SLC9A9: variants seen among roughly 807,000 people sequenced by gnomAD.
The protein encoded by SLC9A9 is solute carrier family 9 member A9.
In SLC9A9, 62 loss-of-function variants were observed where a neutral mutation model predicts 77.8. The observed-to-expected ratio is 0.80, with a 90% CI of 0.65 to 0.98. SLC9A9 has a LOEUF of 0.98. SLC9A9 is among the 50% of genes least tolerant of loss of function. The pLI is 0.00. For missense variants in SLC9A9, 775 were observed against 774.9 expected, an observed-to-expected ratio of 1.00 and a Z score of 0.00; for synonymous variants, 320 against 283.5, an observed-to-expected ratio of 1.13 and a Z score of -1.29.
intron 9 of SLC9A9, among the ~76,000 whole-genome samples, chr3:143,499,223 A>C (rs1214735211): frequency 1.3e-5 from 2 of 152,198 alleles, no homozygotes; most frequent in Non-Finnish European, 2.9e-5. Context: ...TTTTAGTTGG[A>C]ATAGTATTAA....
intron 8 of SLC9A9, among the ~76,000 whole-genome samples, chr3:143,563,083 C>A (rs1332343291): frequency 1.3e-5 from 2 of 151,996 alleles, no homozygotes; most frequent in African/African-American, 4.8e-5. Context: ...GAACTAGAAC[C>A]AACACTTTTT....
At chr3:143,506,158 T>C (rs909428006) in intron 9 of SLC9A9, among the ~76,000 whole-genome samples, 2 of 152,332 alleles carry the variant, frequency 1.3e-5, no homozygotes, top group Admixed American at 6.5e-5. Context: ...TAGATCCATT[T>C]TGATGAATTT....
At chr3:143,750,842 T>A (rs1282727820) in intron 4 of SLC9A9, among the ~76,000 whole-genome samples, 1 of 151,732 alleles carries the variant, frequency 6.6e-6, no homozygotes, top group East Asian at 1.9e-4. Flanking sequence ...TTTGAAAAAA[T>A]TTTAAAGAAT....
chr3:143,675,335 T>C (rs2039220140), intron 5 of SLC9A9, among the ~76,000 whole-genome samples: 1 of 152,210 alleles, frequency 6.6e-6, no homozygotes, highest in Non-Finnish European at 1.5e-5. Flanking sequence ...GGCAAAACAT[T>C]AGCTAAACAG....
At chr3:143,568,268 C>T (rs951153555) in intron 8 of SLC9A9, among the ~76,000 whole-genome samples, 1 of 152,008 alleles carries the variant, frequency 6.6e-6, no homozygotes, top group South Asian at 2.1e-4. Context: ...GTCTAGTTGT[C>T]CTACCTTCAG....
In SLC9A9 at chr3:143,458,060, G is replaced by A. The variant is rs536291059; in HGVS notation, c.1469+8977C>T. On this transcript the variant is annotated intron_variant, in intron 12 of 15. Coordinates refer to ENST00000316549, the MANE Select transcript of SLC9A9 (RefSeq NM_173653.4). Reference sequence around the variant, plus strand: ...TGTTTGCAACTGTAAGTGTTAATTTGTCTCTCTTCCCTTTCAGATTTATCA... The same window carrying A: ...TGTTTGCAACTGTAAGTGTTAATTTATCTCTCTTCCCTTTCAGATTTATCA... Among the ~76,000 whole-genome samples, 3 of 152,188 alleles carry A rather than the reference G, an allele frequency of 2.0e-5. No individual in the cohort carries two copies. In the East Asian group the frequency reaches 5.8e-4, roughly 29 times the overall value.
At chr3:143,279,096 A>C (rs1425391815) in intron 14 of SLC9A9, among the ~76,000 whole-genome samples, 2 of 152,198 alleles carry the variant, frequency 1.3e-5, no homozygotes, top group Admixed American at 6.5e-5. Flanking sequence ...GATATATTTC[A>C]ACCATCCCAA....
At chr3:143,730,164 C>A (rs1350282690) in intron 4 of SLC9A9, among the ~76,000 whole-genome samples, 1 of 152,200 alleles carries the variant, frequency 6.6e-6, no homozygotes, top group African/African-American at 2.4e-5. Flanking sequence ...GAGAGGAGGT[C>A]CTGAGGATGT....
At chr3:143,695,997 G>T (rs1933629468) in intron 4 of SLC9A9, among the ~76,000 whole-genome samples, 2 of 123,312 alleles carry the variant, frequency 1.6e-5, no homozygotes, top group African/African-American at 5.8e-5. Context: ...TATTTGATGG[G>T]GTTATTTCTT....
At chr3:143,354,776 CT>C (rs1336708162) in intron 14 of SLC9A9, among the ~76,000 whole-genome samples, 9 of 152,186 alleles carry the variant, frequency 5.9e-5, no homozygotes, top group Admixed American at 5.2e-4. Context: ...TTCTCTTTCT[CT>C]TTTTTTCCTA....
At chr3:143,511,951 C>G (rs1559946805) in intron 9 of SLC9A9, among the ~76,000 whole-genome samples, 1 of 152,150 alleles carries the variant, frequency 6.6e-6, no homozygotes, top group Non-Finnish European at 1.5e-5. Context: ...TGGAATTTCA[C>G]CTTGTGGTAA....
Position 143,727,917 on chromosome 3 carries a change from C to A in SLC9A9, c.534-34610G>T, listed in dbSNP as rs6766650. 8.6e-3 allele frequency among the ~76,000 whole-genome samples: 1,306 copies of A among 152,304 alleles called. 24 individuals carry two copies. The highest frequency in any genetic ancestry group is 0.03 in the African/African-American group (1,250 of 41,578). Reference sequence around the variant, plus strand: ...TTATTGATGTCTATTTTGTGCCAGACGCTATATAGAGTAGCTACCATGGCC... The same window carrying A: ...TTATTGATGTCTATTTTGTGCCAGAAGCTATATAGAGTAGCTACCATGGCC... On this transcript the variant is annotated intron_variant, in intron 4 of 15. Transcript: ENST00000316549.
At position 143,799,677 on chromosome 3, in the gene SLC9A9, C is replaced by A. The variant is rs188633035; in HGVS notation, c.379-2774G>T. On this transcript the variant is annotated intron_variant, in intron 2 of 15. Coordinates refer to ENST00000316549, the MANE Select transcript of SLC9A9 (RefSeq NM_173653.4). ...TCGGACTGTTCAACTCACCTGGCAG[C>A]CACTCCCAGAGCCGCTGGAACTCTG... is the stretch of plus-strand genomic sequence containing the variant. 8.8e-3 allele frequency among the ~76,000 whole-genome samples: 1,335 copies of A among 152,338 alleles called. 17 individuals carry two copies. Among genetic ancestry groups the A allele is most frequent in the African/African-American group, 0.031 (1,275 of 41,572 alleles).
chr3:143,706,368 G>GT (rs1933977362), intron 4 of SLC9A9, among the ~76,000 whole-genome samples: 1 of 152,182 alleles, frequency 6.6e-6, no homozygotes, highest in African/African-American at 2.4e-5. Flanking sequence ...CCTAAGGAAT[G>GT]TAAGAGGCTC....
At chr3:143,494,062 T>C (rs1210718414) in intron 10 of SLC9A9, among the ~76,000 whole-genome samples, 1 of 152,214 alleles carries the variant, frequency 6.6e-6, no homozygotes, top group African/African-American at 2.4e-5. Context: ...TGACTGACTA[T>C]CCTCAATTCT....
intron 12 of SLC9A9, among the ~76,000 whole-genome samples, chr3:143,455,593 T>C (rs369982761): frequency 1.3e-5 from 2 of 152,288 alleles, no homozygotes; most frequent in East Asian, 1.9e-4. Flanking sequence ...GTTTCTGTTA[T>C]TGGTATTTTG....
chr3:143,665,709 T>C (rs1395056277), intron 5 of SLC9A9, among the ~76,000 whole-genome samples: 2 of 152,158 alleles, frequency 1.3e-5, no homozygotes, highest in Non-Finnish European at 2.9e-5. Context: ...AATACTTCTG[T>C]GCAAATAAAC....
At chr3:143,557,374 C>T (rs183646749) in intron 8 of SLC9A9, among the ~76,000 whole-genome samples, 28 of 152,116 alleles carry the variant, frequency 1.8e-4, no homozygotes, top group African/African-American at 4.8e-4. Flanking sequence ...AAATTGGCAC[C>T]GAGTGGGGTG....
At chr3:143,276,594 G>C (rs1268650655) in intron 14 of SLC9A9, among the ~76,000 whole-genome samples, 1 of 152,140 alleles carries the variant, frequency 6.6e-6, no homozygotes, top group South Asian at 2.1e-4. Context: ...GGAGAAACAT[G>C]ATCTAGGTAG....
Sources: gnomAD v4.1 joint callset for allele counts (sites outside exome capture counted in the v4.1 genomes callset) on GRCh38, gnomAD v4.1.1 for gene constraint, MANE v1.5 for transcripts, NCBI Gene and HGNC (gene_info 2026-07-23, HGNC 2026-07-21) for gene names.